TTC28: variants seen among roughly 807,000 people sequenced by gnomAD.
The protein encoded by TTC28 is tetratricopeptide repeat protein 28.
Under a neutral mutation model 198.0 loss-of-function variants are expected in TTC28, and 61 were observed. That is an observed-to-expected ratio of 0.31 (90% CI 0.25 to 0.38). TTC28 has a LOEUF of 0.38. TTC28 is among the 10% of genes least tolerant of loss of function. TTC28 has a pLI of 1.00. For missense variants in TTC28, 2,678 were observed against 3,164.0 expected, an observed-to-expected ratio of 0.85 and a Z score of 3.69; for synonymous variants, 1,171 against 1,297.8, an observed-to-expected ratio of 0.90 and a Z score of 2.10.
rs1438857962 is a variant in TTC28 at position 27,991,476 on chromosome 22, G to C, written c.5554-664C>G. Reference sequence around the variant, plus strand: ...CAGCCAAGGGGACAGGTCACTGTTGGTTCTAAGTTCCAAATCCAGGTGGAA... The same window carrying C: ...CAGCCAAGGGGACAGGTCACTGTTGCTTCTAAGTTCCAAATCCAGGTGGAA... On this transcript the variant is annotated intron_variant, in intron 19 of 22. Coordinates refer to ENST00000397906, the MANE Select transcript of TTC28 (RefSeq NM_001145418.2). Among the ~76,000 whole-genome samples the C allele has an allele frequency of 2.0e-5, 3 of 152,214 alleles. No homozygotes were observed. In the East Asian group the frequency reaches 5.8e-4, roughly 29 times the overall value.
At chr22:28,647,324 G>A (rs2051485360) in intron 1 of TTC28, among the ~76,000 whole-genome samples, 1 of 151,988 alleles carries the variant, frequency 6.6e-6, no homozygotes, top group Non-Finnish European at 1.5e-5. Flanking sequence ...CATTGGCCTA[G>A]GCAAAGAATT....
intron 12 of TTC28, among the ~76,000 whole-genome samples, chr22:28,035,721 G>C (rs1191496684): frequency 6.6e-6 from 1 of 152,180 alleles, no homozygotes; most frequent in African/African-American, 2.4e-5. Context: ...TGAGACCTTT[G>C]AAACTTTCCC....
In TTC28 at chr22:27,993,667, C is replaced by T. The variant is rs562716913; in HGVS notation, c.5245-149G>A. 39 of 699,662 alleles carry T rather than the reference C, an allele frequency of 5.6e-5. 1 individual carries two copies. In the South Asian group the frequency reaches 7.4e-4, roughly 13 times the overall value. 43.3% of individuals were successfully genotyped at this position (699,662 alleles called of 1,614,324 possible). On this transcript the variant is annotated intron_variant, in intron 17 of 22. Coordinates refer to ENST00000397906, the MANE Select transcript of TTC28 (RefSeq NM_001145418.2). ...CGTGGCCAGGCCTGAGGATGTGACA[C>T]TGGGGCACTGACTAGGCATCTTGCA...
intron 12 of TTC28, among the ~76,000 whole-genome samples, chr22:28,036,660 A>T (rs1939365032): frequency 6.6e-6 from 1 of 152,216 alleles, no homozygotes; most frequent in Non-Finnish European, 1.5e-5. Flanking sequence ...GCAAGAAGTA[A>T]CTAAGATCAG....
chr22:27,993,239 C>T, intron 18 of TTC28, 48 bp downstream of exon 18: 1 of 1,442,976 alleles, frequency 6.9e-7, no homozygotes, highest in Non-Finnish European at 9.2e-7. Flanking sequence ...AACTGTTCCA[C>T]CTGCTGTCAG....
chr22:28,103,869 T>C (rs1942225307), intron 8 of TTC28, among the ~76,000 whole-genome samples: 1 of 152,204 alleles, frequency 6.6e-6, no homozygotes, highest in Non-Finnish European at 1.5e-5. Flanking sequence ...TAATAGTTTT[T>C]ACAAATTCAA....
At chr22:28,208,728 T>C (rs1926640007) in intron 5 of TTC28, among the ~76,000 whole-genome samples, 1 of 152,170 alleles carries the variant, frequency 6.6e-6, no homozygotes, top group Non-Finnish European at 1.5e-5. Context: ...TATATATATA[T>C]GTGCATATAT....
chr22:28,367,179 T>C (rs766045731), intron 2 of TTC28, among the ~76,000 whole-genome samples: 1 of 152,054 alleles, frequency 6.6e-6, no homozygotes, highest in Non-Finnish European at 1.5e-5. Flanking sequence ...GGATAGACCA[T>C]ATGTTAGGTC....
intron 2 of TTC28, among the ~76,000 whole-genome samples, chr22:28,406,804 T>C (rs1418921971): frequency 6.6e-6 from 1 of 152,222 alleles, no homozygotes; most frequent in Non-Finnish European, 1.5e-5. Context: ...TCAGGACTCA[T>C]ATGGAGTTCC....
At chr22:28,180,531 G>A (rs1923601014) in intron 5 of TTC28, among the ~76,000 whole-genome samples, 1 of 152,118 alleles carries the variant, frequency 6.6e-6, no homozygotes, top group Non-Finnish European at 1.5e-5. Flanking sequence ...ACCAGATGCA[G>A]AGCCTCCCTT....
chr22:28,216,896 T>G (rs1927449571), intron 5 of TTC28, among the ~76,000 whole-genome samples: 1 of 152,002 alleles, frequency 6.6e-6, no homozygotes, highest in South Asian at 2.1e-4. Context: ...AATTTTTTAT[T>G]TTTTGTAGAG....
intron 5 of TTC28, among the ~76,000 whole-genome samples, chr22:28,245,655 A>G (rs1187529219): frequency 2.0e-5 from 3 of 152,234 alleles, no homozygotes; most frequent in Admixed American, 1.3e-4. Context: ...AAAAAATGCA[A>G]TTCACAAATA....
chr22:28,440,637 T>C (rs2047605770), intron 2 of TTC28, among the ~76,000 whole-genome samples: 1 of 152,190 alleles, frequency 6.6e-6, no homozygotes, highest in Admixed American at 6.5e-5. Context: ...TAAAATCACA[T>C]CAATGCAGTA....
intron 2 of TTC28, among the ~76,000 whole-genome samples, chr22:28,342,261 T>G (rs2045843680): frequency 6.6e-6 from 1 of 152,314 alleles, no homozygotes; most frequent in African/African-American, 2.4e-5. Context: ...AGATTCAGAC[T>G]CAAATACTTT....
chr22:28,234,863 T>C (rs1410591188), intron 5 of TTC28, among the ~76,000 whole-genome samples: 2 of 152,206 alleles, frequency 1.3e-5, no homozygotes, highest in African/African-American at 4.8e-5. Flanking sequence ...GCTAAATTGT[T>C]CCAGTGGGAA....
intron 12 of TTC28, among the ~76,000 whole-genome samples, chr22:28,071,447 T>C (rs371149766): frequency 3.3e-5 from 5 of 149,832 alleles, no homozygotes; most frequent in East Asian, 2.0e-4. Flanking sequence ...ATGGATGAAA[T>C]TGGAAATCAT....
At chr22:28,435,628 A>G (rs2047508761) in intron 2 of TTC28, among the ~76,000 whole-genome samples, 1 of 152,144 alleles carries the variant, frequency 6.6e-6, no homozygotes, top group South Asian at 2.1e-4. Context: ...CCTTTCTTGA[A>G]GTTGGGCCAA....
chr22:28,577,439 T>C (rs2050168320), intron 2 of TTC28, among the ~76,000 whole-genome samples: 1 of 152,186 alleles, frequency 6.6e-6, no homozygotes, highest in African/African-American at 2.4e-5. Context: ...ATGTGTATTC[T>C]GTAGACACTG....
intron 2 of TTC28, among the ~76,000 whole-genome samples, chr22:28,527,544 A>G (rs74389611): frequency 0.016 from 2,476 of 152,302 alleles, 90 homozygotes; most frequent in African/African-American, 0.057. Flanking sequence ...GGTTTCAGAC[A>G]TTGGGGAAGG....
Sources: allele counts gnomAD v4.1 joint callset (sites outside exome capture counted in the v4.1 genomes callset), GRCh38; gene constraint gnomAD v4.1.1; transcripts MANE v1.5; gene names NCBI Gene and HGNC (gene_info 2026-07-23, HGNC 2026-07-21).